The following CYP26A1 variants were observed in gnomAD, a reference collection of about 807,000 sequenced individuals.
The protein encoded by CYP26A1 is cytochrome P450 family 26 subfamily A member 1, also known as cytochrome P450 26A1.
Under a neutral mutation model 47.4 loss-of-function variants are expected in CYP26A1, and 46 were observed. The observed-to-expected ratio is 0.97, with a 90% CI of 0.77 to 1.24. The LOEUF is 1.24. Ranked by LOEUF, CYP26A1 falls within the 50% of genes most tolerant of loss-of-function variation. The pLI is 0.00. For synonymous variants in CYP26A1, 277 were observed against 263.7 expected, an observed-to-expected ratio of 1.05 and a Z score of -0.49; for missense variants, 680 against 644.4, an observed-to-expected ratio of 1.06 and a Z score of -0.60.
chr10:93,077,316 G>A lies in CYP26A1; in HGVS notation c.*12G>A. 3 of 1,460,614 alleles carry A rather than the reference G, an allele frequency of 2.1e-6. No homozygotes were observed. Among genetic ancestry groups the A allele is most frequent in the Middle Eastern group, 1.8e-4 (1 of 5,508 alleles). The allele number at this position is 1,460,614 out of a possible 1,614,324, so 90.5% of individuals were successfully genotyped here. A position where few individuals can be genotyped will look rare whatever the true frequency, so the allele number is the denominator to read the frequency against. Reference sequence around the variant, plus strand: ...ATGGGGAAATCTGATGAGCTTGAATGTTCAAACCTGAGACTTATTGGAAGT... The same window carrying A: ...ATGGGGAAATCTGATGAGCTTGAATATTCAAACCTGAGACTTATTGGAAGT... On this transcript the variant is annotated 3_prime_UTR_variant, in exon 7 of 7. Coordinates refer to ENST00000224356, the MANE Select transcript of CYP26A1 (RefSeq NM_000783.4).
chr10:93,073,772 A>C, upstream of CYP26A1: 1 of 563,998 alleles, frequency 1.8e-6, no homozygotes, highest in Non-Finnish European at 3.1e-6. Flanking sequence ...TCGCGGGGGG[A>C]GGAGCCAGGG....
rs779994733 is a variant in CYP26A1 at position 93,075,285 on chromosome 10, G to A, written c.842G>A (p.Arg281Lys). 2 of 1,614,032 alleles carry A rather than the reference G, an allele frequency of 1.2e-6. No individual in the cohort carries two copies. The highest frequency in any genetic ancestry group is 1.7e-6 in the Non-Finnish European group (2 of 1,179,932). Residue 281 changes from arginine (R) to lysine (K), a missense_variant, in exon 4 of 7, where the codon AGG becomes AAG. Physicochemically the swap from Arg to Lys is conservative, Grantham distance 26. Coordinates refer to ENST00000224356, the MANE Select transcript of CYP26A1 (RefSeq NM_000783.4). Reference sequence around the variant, plus strand: ...CTGTTGATCGAGCACTCGTGGGAGAGGGGAGAGCGGCTGGACATGCAGGTG... The same window carrying A: ...CTGTTGATCGAGCACTCGTGGGAGAAGGGAGAGCGGCTGGACATGCAGGTG... Reference protein sequence around the residue: ...LQLLIEHSWERGERLDMQALK... With the variant: ...LQLLIEHSWEKGERLDMQALK...
Position 93,077,194 on chromosome 10 carries a change from C to A in CYP26A1, c.1384C>A (p.His462Asn), listed in dbSNP as rs1169117068. ...AATATTTACAGTGGAGCTGGCCAGG[C>A]ATTGTGACTGGCAGCTTCTAAATGG... Reference protein sequence around the residue: ...LKIFTVELARHCDWQLLNGPP... With the variant: ...LKIFTVELARNCDWQLLNGPP... Residue 462 changes from histidine to asparagine, a missense_variant, in exon 7 of 7, where the codon CAT becomes AAT. By Grantham distance (68) the His-to-Asn change is moderately conservative. Coordinates refer to ENST00000224356, the MANE Select transcript of CYP26A1 (RefSeq NM_000783.4). 1 of 1,611,844 alleles carries A rather than the reference C, an allele frequency of 6.2e-7. No individual in the cohort carries two copies. The highest frequency in any genetic ancestry group is 8.5e-7 in the Non-Finnish European group (1 of 1,178,060).
In CYP26A1 at chr10:93,074,427, A is replaced by C. The variant is rs778988782; in HGVS notation, c.309A>C (p.Gly103=). Residue 103 remains glycine, a synonymous_variant, in exon 2 of 7, where the codon GGA becomes GGC. Coordinates refer to ENST00000224356, the MANE Select transcript of CYP26A1 (RefSeq NM_000783.4). This position sits in a 1 kb window ranked among gnomAD's most constrained non-coding sequence, Gnocchi z 5.3. ...ACAATGTGCGGCGCATCTTGCTCGG[A>C]GAGCACCGGCTGGTGTCGGTCCACT... ...GADNVRRILL[G]EHRLVSVHWP... The C allele has an allele frequency of 6.2e-7, 1 of 1,610,690 alleles. No individual in the cohort carries two copies. Among genetic ancestry groups the C allele is most frequent in the Admixed American group, 1.7e-5 (1 of 60,022 alleles).
upstream of CYP26A1, chr10:93,073,692 G>T: frequency 1.9e-6 from 1 of 526,622 alleles, no homozygotes; most frequent in Non-Finnish European, 3.3e-6. Context: ...AGGCGCGCTC[G>T]GAGGGAAGCC....
rs1846986061 is a variant in CYP26A1, at chr10:93,077,008, G to A, written c.1198G>A (p.Asp400Asn). ...CTGGAATGTTATCTACAGTATCTGT[G>A]ATACTCATGATGTGGCAGAGATCTT... is the stretch of plus-strand genomic sequence containing the variant. ...KGWNVIYSIC[D>N]THDVAEIFTN... Residue 400 changes from aspartate to asparagine, a missense_variant, in exon 7 of 7, where the codon GAT becomes AAT. Physicochemically the swap from Asp to Asn is conservative, Grantham distance 23. Coordinates refer to ENST00000224356, the MANE Select transcript of CYP26A1 (RefSeq NM_000783.4). The A allele has an allele frequency of 1.2e-6, 2 of 1,613,256 alleles. No homozygotes were observed. Among genetic ancestry groups the A allele is most frequent in the Non-Finnish European group, 1.7e-6 (2 of 1,179,492 alleles).
chr10:93,074,330 A>C lies in CYP26A1; in HGVS notation c.212A>C (p.Lys71Thr). The C allele has an allele frequency of 6.2e-7, 1 of 1,603,256 alleles. No individual in the cohort carries two copies. Among genetic ancestry groups the C allele is most frequent in the South Asian group, 1.1e-5 (1 of 90,874 alleles). ...CAGCGGAGGAAGTTCCTGCAGATGA[A>C]GCGCAGGAAATACGGCTTCATCTAC... The part of the protein sequence containing the change: ...VLQRRKFLQM[K>T]RRKYGFIYKT... Residue 71 changes from lysine to threonine, a missense_variant, in exon 2 of 7, where the codon AAG becomes ACG. Coordinates refer to ENST00000224356, the MANE Select transcript of CYP26A1 (RefSeq NM_000783.4). This position sits in a 1 kb window ranked among gnomAD's most constrained non-coding sequence, Gnocchi z 5.3.
At chr10:93,073,624 C>T (rs968541938), upstream of CYP26A1, 3 of 384,288 alleles carry the variant, frequency 7.8e-6, no homozygotes, top group Non-Finnish European at 1.4e-5. Context: ...ACCGCCGCCT[C>T]GGAGCTCAGC....
rs1846975437 is a variant in CYP26A1 at position 93,076,194 on chromosome 10, T to C, written c.999+234T>C. On this transcript the variant is annotated intron_variant, in intron 5 of 6. Coordinates refer to ENST00000224356, the MANE Select transcript of CYP26A1 (RefSeq NM_000783.4). ...TGTATTCCTACCCCTCCTCCACCTT[T>C]TGCTGAACCGTGGAGATTCTCAGAT... 4 of 545,178 alleles carry C rather than the reference T, an allele frequency of 7.3e-6. No homozygotes were observed. In the Admixed American group the frequency reaches 1.2e-4, roughly 17 times the overall value. 33.8% of individuals were successfully genotyped at this position (545,178 alleles called of 1,614,324 possible).
chr10:93,076,832 T>C, intron 6 of CYP26A1, 131 bp from the exon 7 acceptor site: 6 of 897,924 alleles, frequency 6.7e-6, no homozygotes, highest in Non-Finnish European at 1.0e-5. Context: ...GCAACCTGGA[T>C]CCACCTCTCT....
In CYP26A1 at chr10:93,077,567, A is replaced by C; in HGVS notation, c.*263A>C. 4.2e-6 allele frequency: 1 copy of C among 237,240 alleles called. No individual in the cohort carries two copies. The allele number at this position is 237,240 out of a possible 1,614,324, so 14.7% of individuals were successfully genotyped here. On this transcript the variant is annotated 3_prime_UTR_variant, in exon 7 of 7. Coordinates refer to ENST00000224356, the MANE Select transcript of CYP26A1 (RefSeq NM_000783.4). ...TAGTATTTTCTTAGTGTATTTAACC[A>C]GATTTTACAATGCCTACCTGGACTT... is the stretch of plus-strand genomic sequence containing the variant.
At chr10:93,076,259 A>G in intron 5 of CYP26A1, 1 of 341,102 alleles carries the variant, frequency 2.9e-6, no homozygotes, top group Admixed American at 4.9e-5. Flanking sequence ...AAGGGCATAC[A>G]TAGTGTGAAT....
At position 93,076,781 on chromosome 10, in the gene CYP26A1, G is replaced by A. The variant is rs1185218730; in HGVS notation, c.1152+85G>A. On this transcript the variant is annotated intron_variant, in intron 6 of 6. Transcript: ENST00000224356. ...CCTATGCTGTGGCTGCAATTCTTATGCTTTTGATAATTGTTCTGCCCTATA... is the reference window on the plus strand; with the variant it reads ...CCTATGCTGTGGCTGCAATTCTTATACTTTTGATAATTGTTCTGCCCTATA... 3.6e-6 allele frequency: 4 copies of A among 1,118,062 alleles called. No individual in the cohort carries two copies. The East Asian group carries it at 9.5e-5, about 27-fold the overall frequency. 69.3% of individuals were successfully genotyped at this position (1,118,062 alleles called of 1,614,324 possible).
Position 93,074,600 on chromosome 10 carries a change from G to A in CYP26A1, c.414+68G>A. 8.5e-7 allele frequency: 1 copy of A among 1,169,690 alleles called. No individual in the cohort carries two copies. Among genetic ancestry groups the A allele is most frequent in the East Asian group, 2.4e-5 (1 of 42,526 alleles). 72.5% of individuals were successfully genotyped at this position (1,169,690 alleles called of 1,614,324 possible). The stretch of plus-strand genomic sequence containing the variant: ...TTTATGAGCGGAATTCCGGCTGATG[G>A]ATGCTAGGCGCGGGCTAGCAGCTTG... On this transcript the variant is annotated intron_variant, in intron 2 of 6. Coordinates refer to ENST00000224356, the MANE Select transcript of CYP26A1 (RefSeq NM_000783.4). This position sits in a 1 kb window ranked among gnomAD's most constrained non-coding sequence, Gnocchi z 5.3.
rs1266633740 is a variant in CYP26A1, at chr10:93,075,230, G to T, written c.787G>T (p.Ala263Ser). 1 of 1,613,930 alleles carries T rather than the reference G, an allele frequency of 6.2e-7. No homozygotes were observed. The highest frequency in any genetic ancestry group is 8.5e-7 in the Non-Finnish European group (1 of 1,180,002). The change falls in exon 4 of 7, where the codon GCG (alanine) becomes TCG (serine). Residue 263 changes from alanine (A) to serine (S), a missense_variant. Ala to Ser is a moderately conservative substitution (Grantham distance 99). Transcript: ENST00000224356. The part of the protein sequence containing the change: ...AKICGLRASE[A>S]GQGCKDALQL... The stretch of plus-strand genomic sequence containing the variant: ...GATCTGCGGGCTGCGGGCATCCGAG[G>T]CGGGCCAGGGCTGCAAAGACGCGCT...
In CYP26A1 at chr10:93,077,230, A is replaced by G. The variant is rs767077820; in HGVS notation, c.1420A>G (p.Met474Val). 7 of 1,605,946 alleles carry G rather than the reference A, an allele frequency of 4.4e-6. No homozygotes were observed. The Admixed American group carries it at 1.2e-4, about 27-fold the overall frequency. Residue 474 changes from methionine to valine, a missense_variant, in exon 7 of 7, where the codon ATG (methionine) becomes GTG (valine). Coordinates refer to ENST00000224356, the MANE Select transcript of CYP26A1 (RefSeq NM_000783.4). ...DWQLLNGPPT[M>V]KTSPTVYPVD... ...GCAGCTTCTAAATGGACCTCCTACA[A>G]TGAAAACCAGTCCCACCGTGTATCC... is the stretch of plus-strand genomic sequence containing the variant.
chr10:93,074,840 A>G lies in CYP26A1; in HGVS notation c.476A>G (p.Glu159Gly), dbSNP rs1311054960. Reference protein sequence around the residue: ...LECYVPVITEEVGSSLEQWLS... With the variant: ...LECYVPVITEGVGSSLEQWLS... ...TGCTACGTGCCGGTGATCACCGAGG[A>G]AGTGGGCAGCAGCCTGGAGCAGTGG... Residue 159 changes from glutamate to glycine, a missense_variant, in exon 3 of 7, where the codon GAA becomes GGA. Coordinates refer to ENST00000224356, the MANE Select transcript of CYP26A1 (RefSeq NM_000783.4). The surrounding 1 kb of genome is among the most constrained non-coding windows in gnomAD (Gnocchi z 5.3). 1.2e-6 allele frequency: 2 copies of G among 1,611,882 alleles called. No homozygotes were observed. The highest frequency in any genetic ancestry group is 1.7e-6 in the Non-Finnish European group (2 of 1,179,900).
At position 93,074,612 on chromosome 10, in the gene CYP26A1, G is replaced by C. The variant is rs569661292; in HGVS notation, c.414+80G>C. Reference sequence around the variant, plus strand: ...ATTCCGGCTGATGGATGCTAGGCGCGGGCTAGCAGCTTGAGGTGGGCTAGG... The same window carrying C: ...ATTCCGGCTGATGGATGCTAGGCGCCGGCTAGCAGCTTGAGGTGGGCTAGG... On this transcript the variant is annotated intron_variant, in intron 2 of 6. Transcript: ENST00000224356. The surrounding 1 kb of genome is among the most constrained non-coding windows in gnomAD (Gnocchi z 5.3). The C allele has an allele frequency of 3.8e-5, 43 of 1,120,834 alleles. No homozygotes were observed. In the African/African-American group the frequency reaches 5.6e-4, roughly 15 times the overall value. 69.4% of individuals were successfully genotyped at this position (1,120,834 alleles called of 1,614,324 possible).
chr10:93,076,617 G>A lies in CYP26A1; in HGVS notation c.1073G>A (p.Cys358Tyr). Residue 358 changes from cysteine (C) to tyrosine (Y), a missense_variant, in exon 6 of 7, where the codon TGT becomes TAT. Coordinates refer to ENST00000224356, the MANE Select transcript of CYP26A1 (RefSeq NM_000783.4). Reference protein sequence around the residue: ...EILEQLKYIGCVIKETLRLNP... With the variant: ...EILEQLKYIGYVIKETLRLNP... ...TTGGAACAACTTAAATACATCGGGT[G>A]TGTTATTAAGGAGACCCTTCGACTG... The A allele has an allele frequency of 6.2e-7, 1 of 1,606,318 alleles. No individual in the cohort carries two copies. The highest frequency in any genetic ancestry group is 1.3e-5 in the African/African-American group (1 of 74,922).
Sources: gnomAD v4.1 joint callset for allele counts on GRCh38, gnomAD v4.1.1 for gene constraint, Gnocchi (gnomAD v3.1) non-coding constraint, MANE v1.5 for transcripts, NCBI Gene and HGNC (gene_info 2026-07-23, HGNC 2026-07-21) for gene names.